The following LARGE1 variants were observed in gnomAD, a reference collection of about 807,000 sequenced individuals.
LARGE1 encodes the protein xylosyl- and glucuronyltransferase LARGE1.
In LARGE1, 43 loss-of-function variants were observed where a neutral mutation model predicts 87.6. That is an observed-to-expected ratio of 0.49 (90% CI 0.38 to 0.63). The LOEUF (loss-of-function observed/expected upper bound fraction) is 0.63, where lower values mean the gene tolerates loss of function less well. Ranked by LOEUF, LARGE1 falls within the 30% of genes least tolerant of loss-of-function variation. The pLI, the probability that LARGE1 is intolerant of heterozygous loss-of-function variation, is 0.00. For synonymous variants in LARGE1, 434 were observed against 394.6 expected (o/e 1.10, Z -1.18); for missense variants, 802 against 1,000.2 (o/e 0.80, Z 2.67).
intron 1 of LARGE1, among the ~76,000 whole-genome samples, chr22:33,771,208 G>A (rs554959831): frequency 3.4e-5 from 5 of 147,934 alleles, no homozygotes; most frequent in East Asian, 4.0e-4. Flanking sequence ...CTTGTTCAGC[G>A]TAGATGCTGC....
At chr22:33,861,554 A>C (rs1601800111) in intron 1 of LARGE1, 1 of 152,200 alleles carries the variant, frequency 6.6e-6, no homozygotes, top group Non-Finnish European at 1.5e-5. Flanking sequence ...CAGGCTCCTC[A>C]CCCACAGAAT....
intron 2 of LARGE1, chr22:33,705,047 A>T (rs2082520864): frequency 6.6e-6 from 1 of 152,216 alleles, no homozygotes; most frequent in Non-Finnish European, 1.5e-5. Flanking sequence ...CTTCCATCAA[A>T]ACAGTAGGGT....
the LARGE1 span, among the ~76,000 whole-genome samples, chr22:33,124,943 C>T: frequency 2.6e-5 from 4 of 152,208 alleles, no homozygotes; most frequent in South Asian, 2.1e-4. Flanking sequence ...GCAAAGCTAT[C>T]GCATAGGCAG....
At chr22:33,173,010 A>T (rs561659668) in intron 11 of LARGE1, among the ~76,000 whole-genome samples, 1 of 152,224 alleles carries the variant, frequency 6.6e-6, no homozygotes, top group Admixed American at 6.5e-5. Context: ...CACAGAAAAC[A>T]CCATAAAGAT....
intron 6 of LARGE1, among the ~76,000 whole-genome samples, chr22:33,493,616 C>A (rs2069962126): frequency 6.6e-6 from 1 of 152,122 alleles, no homozygotes; most frequent in Non-Finnish European, 1.5e-5. Context: ...CACCCACCCC[C>A]ACAACAGCAG....
At chr22:33,177,851 T>C (rs1461275316) in intron 11 of LARGE1, among the ~76,000 whole-genome samples, 1 of 152,084 alleles carries the variant, frequency 6.6e-6, no homozygotes, top group Non-Finnish European at 1.5e-5. Flanking sequence ...TGGGAGGTGA[T>C]TGGATCGTAG....
chr22:33,764,619 G>A (rs913705258), intron 1 of LARGE1, among the ~76,000 whole-genome samples: 2 of 152,116 alleles, frequency 1.3e-5, no homozygotes, highest in African/African-American at 4.8e-5. Context: ...TTAGCTGGGT[G>A]TGGTGCCATG....
the LARGE1 span, among the ~76,000 whole-genome samples, chr22:33,115,397 T>G: frequency 6.7e-6 from 1 of 148,530 alleles, no homozygotes; most frequent in Admixed American, 6.7e-5. Context: ...GCTAAGATGG[T>G]GAAACCCATT....
intron 2 of LARGE1, among the ~76,000 whole-genome samples, chr22:33,688,151 C>T (rs150161878): frequency 5.4e-4 from 83 of 152,304 alleles, no homozygotes; most frequent in African/African-American, 1.9e-3. Flanking sequence ...AGATCCTACT[C>T]GAACGCTGTC....
chr22:33,917,286 C>T (rs2065815811), intron 1 of LARGE1, among the ~76,000 whole-genome samples: 1 of 152,180 alleles, frequency 6.6e-6, no homozygotes, highest in Non-Finnish European at 1.5e-5. Flanking sequence ...CTGGGATCAG[C>T]TTTGATAAGA....
chr22:33,708,339 G>A (rs778430404), intron 2 of LARGE1, among the ~76,000 whole-genome samples: 1 of 152,146 alleles, frequency 6.6e-6, no homozygotes, highest in Admixed American at 6.5e-5. Flanking sequence ...AGACGCTCTG[G>A]AAGGGGGTTG....
intron 3 of LARGE1, among the ~76,000 whole-genome samples, chr22:33,644,666 T>C (rs186192357): frequency 3.9e-5 from 6 of 152,270 alleles, no homozygotes; most frequent in Non-Finnish European, 8.8e-5. Context: ...GAAAACCCCA[T>C]CTTCTCAGCC....
intron 7 of LARGE1, among the ~76,000 whole-genome samples, chr22:33,428,023 G>A (rs943801749): frequency 6.6e-6 from 1 of 152,194 alleles, no homozygotes; most frequent in African/African-American, 2.4e-5. Flanking sequence ...TTTTCAGATA[G>A]TAAAGAGATA....
intron 2 of LARGE1, among the ~76,000 whole-genome samples, chr22:33,659,498 C>A (rs781259284): frequency 6.6e-6 from 1 of 152,102 alleles, no homozygotes; most frequent in Non-Finnish European, 1.5e-5. Flanking sequence ...TAAGTCACAG[C>A]AAGACACAGG....
chr22:33,777,458 T>A (rs369510658), intron 1 of LARGE1, among the ~76,000 whole-genome samples: 34 of 152,166 alleles, frequency 2.2e-4, no homozygotes, highest in African/African-American at 7.9e-4. Flanking sequence ...GGCTACAACA[T>A]GAGACCTCAT....
chr22:33,500,187 C>T (rs566076367), intron 6 of LARGE1, among the ~76,000 whole-genome samples: 1 of 152,258 alleles, frequency 6.6e-6, no homozygotes, highest in African/African-American at 2.4e-5. Flanking sequence ...TTTTCTTTTA[C>T]ACATAAAAGC....
At chr22:33,621,701 C>T (rs186010555) in intron 4 of LARGE1, among the ~76,000 whole-genome samples, 2 of 151,768 alleles carry the variant, frequency 1.3e-5, no homozygotes, top group Non-Finnish European at 3.0e-5. Context: ...GAAAGTCTTT[C>T]AAAAGTCCTT....
At chr22:33,180,954 C>A (rs190777977) in intron 11 of LARGE1, among the ~76,000 whole-genome samples, 2 of 152,252 alleles carry the variant, frequency 1.3e-5, no homozygotes, top group East Asian at 3.9e-4. Context: ...CCAGTGGGTA[C>A]GGAATCCTTT....
intron 1 of LARGE1, among the ~76,000 whole-genome samples, chr22:33,917,662 C>T (rs993509820): frequency 6.6e-5 from 10 of 152,092 alleles, no homozygotes; most frequent in Admixed American, 4.6e-4. Context: ...AGGATAGAGC[C>T]TTTTTGTAGT....
Sources: gnomAD v4.1 joint callset for allele counts (sites outside exome capture counted in the v4.1 genomes callset) on GRCh38, gnomAD v4.1.1 for gene constraint, MANE v1.5 for transcripts, NCBI Gene and HGNC (gene_info 2026-07-23, HGNC 2026-07-21) for gene names.